SCUBE1: variants seen among roughly 807,000 people sequenced by gnomAD.
SCUBE1 encodes signal peptide, CUB domain and EGF like domain containing 1, also known as signal peptide, CUB and EGF-like domain-containing protein 1.
A neutral mutation model predicts 124.4 loss-of-function variants in SCUBE1; 59 were observed. That is an observed-to-expected ratio of 0.47 (90% confidence interval 0.38 to 0.59). SCUBE1 has a LOEUF of 0.59. SCUBE1 is among the 20% of genes least tolerant of loss of function. The pLI, the probability that SCUBE1 is intolerant of heterozygous loss-of-function variation, is 0.00. For missense variants in SCUBE1, 1,150 were observed against 1,371.2 expected (o/e 0.84, Z 2.55); for synonymous variants, 545 against 550.9 (o/e 0.99, Z 0.15).
intron 6 of SCUBE1, among the ~76,000 whole-genome samples, chr22:43,245,862 C>T (rs893806219): frequency 6.6e-6 from 1 of 152,226 alleles, no homozygotes; most frequent in African/African-American, 2.4e-5. Context: ...AGGCAGCAGG[C>T]GGGGCCTCAA....
Position 43,229,206 on chromosome 22 carries a change from G to T in SCUBE1, c.968-18C>A, listed in dbSNP as rs1569502188. 7.4e-7 allele frequency: 1 copy of T among 1,352,938 alleles called. No homozygotes were observed. Among genetic ancestry groups the T allele is most frequent in the Non-Finnish European group, 1.0e-6 (1 of 960,190 alleles). 83.8% of individuals were successfully genotyped at this position (1,352,938 alleles called of 1,614,324 possible). A position where few individuals can be genotyped will look rare whatever the true frequency, so the allele number is the denominator to read the frequency against. ...GTCGATGTCTGCGTGGCCACAGGGA[G>T]ACAAAGTTGGGGGAGGAGTTTGAGG... On this transcript the variant is annotated intron_variant, in intron 8 of 21. Coordinates refer to ENST00000360835, the MANE Select transcript of SCUBE1 (RefSeq NM_173050.5).
intron 4 of SCUBE1, among the ~76,000 whole-genome samples, chr22:43,271,059 C>G (rs896545294): frequency 6.6e-6 from 1 of 152,182 alleles, no homozygotes; most frequent in Non-Finnish European, 1.5e-5. Flanking sequence ...TTTCCTCTGC[C>G]TGGGACACGC....
chr22:43,218,155 C>T, intron 15 of SCUBE1, 100 bp downstream of exon 15: 1 of 1,129,456 alleles, frequency 8.9e-7, no homozygotes, highest in East Asian at 2.4e-5. Context: ...TGTCCCCTCC[C>T]CAGGTGTCTG....
At position 43,268,841 on chromosome 22, in the gene SCUBE1, T is replaced by C. The variant is rs372157484; in HGVS notation, c.485-5996A>G. Among the ~76,000 whole-genome samples the C allele has an allele frequency of 5.3e-5, 8 of 152,124 alleles. No homozygotes were observed. In the East Asian group the frequency reaches 9.7e-4, roughly 18 times the overall value. On this transcript the variant is annotated intron_variant, in intron 4 of 21. Coordinates refer to ENST00000360835, the MANE Select transcript of SCUBE1 (RefSeq NM_173050.5). ...GCGACACGCTTGTGTGTCAGAAAGA[T>C]CTCTGGAGGCTGTGTGGAATATGCC...
chr22:43,309,454 T>C (rs548057614), intron 3 of SCUBE1, among the ~76,000 whole-genome samples: 3 of 152,280 alleles, frequency 2.0e-5, no homozygotes, highest in Non-Finnish European at 2.9e-5. Context: ...AATAAGGCCA[T>C]ACCTCTCCTA....
chr22:43,319,176 G>C (rs1926452725), intron 3 of SCUBE1, among the ~76,000 whole-genome samples: 1 of 152,186 alleles, frequency 6.6e-6, no homozygotes, highest in African/African-American at 2.4e-5. Flanking sequence ...TTTGGAGACA[G>C]GGCCTTTAGA....
At chr22:43,270,187 G>A (rs941925290) in intron 4 of SCUBE1, 1 of 152,180 alleles carries the variant, frequency 6.6e-6, no homozygotes, top group Non-Finnish European at 1.5e-5. Context: ...ATGTAAAATT[G>A]CCTTCAGGTA....
At chr22:43,275,046 G>C (rs1924447747) in intron 4 of SCUBE1, among the ~76,000 whole-genome samples, 2 of 152,380 alleles carry the variant, frequency 1.3e-5, no homozygotes, top group South Asian at 4.1e-4. Context: ...TGGGCGATCT[G>C]TGATGTGCCC....
At position 43,231,890 on chromosome 22, in the gene SCUBE1, G is replaced by A. The variant is rs766199442; in HGVS notation, c.845-15C>T. Reference sequence around the variant, plus strand: ...CTCGTTGATGTCTGTGGGAGCCAAGGGGGATGGAGGAGTGAGAGCCAGGAG... The same window carrying A: ...CTCGTTGATGTCTGTGGGAGCCAAGAGGGATGGAGGAGTGAGAGCCAGGAG... On this transcript the variant is annotated splice_polypyrimidine_tract_variant and intron_variant, in intron 7 of 21. Transcript: ENST00000360835. The A allele has an allele frequency of 6.2e-6, 10 of 1,610,842 alleles. No individual in the cohort carries two copies. Among genetic ancestry groups the A allele is most frequent in the Non-Finnish European group, 6.8e-6 (8 of 1,177,470 alleles).
At chr22:43,218,544 C>G in intron 14 of SCUBE1, 86 bp from the exon 15 acceptor site, 1 of 1,436,288 alleles carries the variant, frequency 7.0e-7, no homozygotes. Flanking sequence ...CCGTGCCAGG[C>G]CCTGCACTGG....
At chr22:43,251,551 G>A (rs778605913) in intron 6 of SCUBE1, among the ~76,000 whole-genome samples, 1 of 152,154 alleles carries the variant, frequency 6.6e-6, no homozygotes, top group Admixed American at 6.5e-5. Flanking sequence ...CAGCAGAGGT[G>A]GGTCAGAAAC....
At chr22:43,238,524 AG>A in intron 7 of SCUBE1, 2 of 588,660 alleles carry the variant, frequency 3.4e-6, no homozygotes. Flanking sequence ...GAAGTCCCAC[AG>A]TAGAGACGCT....
At chr22:43,339,920 CCA>C (rs1288591549) in intron 1 of SCUBE1, among the ~76,000 whole-genome samples, 14 of 48,124 alleles carry the variant, frequency 2.9e-4, no homozygotes, top group African/African-American at 5.0e-4. Context: ...TTCTACCCCC[CCA>C]ACAAGCATAG....
chr22:43,249,245 G>T (rs1923340541), intron 6 of SCUBE1, among the ~76,000 whole-genome samples: 1 of 151,702 alleles, frequency 6.6e-6, no homozygotes, highest in African/African-American at 2.4e-5. Flanking sequence ...GACATAGATT[G>T]GTGAAATCAG....
chr22:43,203,778 G>A lies in SCUBE1; in HGVS notation c.*219C>T. On this transcript the variant is annotated 3_prime_UTR_variant, in exon 22 of 22. Coordinates refer to ENST00000360835, the MANE Select transcript of SCUBE1 (RefSeq NM_173050.5). ...GCTCTTGGTGTCCTGGGGAAGGGAG[G>A]CAGAGGGAGGGAGGGAGGCTTCCTG... 1 of 546,288 alleles carries A rather than the reference G, an allele frequency of 1.8e-6. No individual in the cohort carries two copies. The highest frequency in any genetic ancestry group is 3.3e-6 in the Non-Finnish European group (1 of 307,006). The allele number at this position is 546,288 out of a possible 1,614,324, so 33.8% of individuals were successfully genotyped here. A position where few individuals can be genotyped will look rare whatever the true frequency, so the allele number is the denominator to read the frequency against.
At chr22:43,239,398 C>A (rs1922907892) in intron 6 of SCUBE1, among the ~76,000 whole-genome samples, 1 of 152,260 alleles carries the variant, frequency 6.6e-6, no homozygotes, top group African/African-American at 2.4e-5. Flanking sequence ...CACCTCAGTA[C>A]AGACTGGCTT....
intron 3 of SCUBE1, chr22:43,318,313 G>C (rs11090151): frequency 0.29 from 44,467 of 151,948 alleles, 7,257 homozygotes; most frequent in East Asian, 0.57. Flanking sequence ...GAGCCCAGGA[G>C]TTCCAGAGGC....
At chr22:43,232,174 T>C in intron 7 of SCUBE1, 3 of 347,096 alleles carry the variant, frequency 8.6e-6, no homozygotes, top group Non-Finnish European at 1.7e-5. Flanking sequence ...ATGGCTGCTG[T>C]GCCCGGCAAG....
rs1354662679 is a variant in SCUBE1, at chr22:43,258,298, G to A, written c.648C>T (p.Ser216=). 1.2e-6 allele frequency: 2 copies of A among 1,614,154 alleles called. No homozygotes were observed. The highest frequency in any genetic ancestry group is 1.7e-5 in the Admixed American group (1 of 60,032). Residue 216 remains serine (S), a synonymous_variant, in exon 6 of 22, where the codon AGC becomes AGT. Transcript: ENST00000360835. The surrounding 1 kb of genome is among the most constrained non-coding windows in gnomAD (Gnocchi z 5.0). ...TGGGGCCTGTGTCTGTGTCCTCACA[G>A]CTGTGCTGGCAGCCTCCGTTTCCAT... ...CNYGNGGCQH[S]CEDTDTGPTC...
Sources: allele counts gnomAD v4.1 joint callset (sites outside exome capture counted in the v4.1 genomes callset), GRCh38; gene constraint gnomAD v4.1.1; non-coding constraint Gnocchi (gnomAD v3.1); transcripts MANE v1.5; gene names NCBI Gene and HGNC (gene_info 2026-07-23, HGNC 2026-07-21).